HS3ST5: variants seen among roughly 807,000 people sequenced by gnomAD.
HS3ST5 encodes the protein heparan sulfate glucosamine 3-O-sulfotransferase 5.
Under a neutral mutation model 25.4 loss-of-function variants are expected in HS3ST5, and 10 were observed. The observed-to-expected ratio is 0.39, with a 90% CI of 0.24 to 0.67. The LOEUF (loss-of-function observed/expected upper bound fraction) is 0.67, where lower values mean the gene tolerates loss of function less well. HS3ST5 is among the 30% of genes least tolerant of loss of function. The pLI, the probability that HS3ST5 is intolerant of heterozygous loss-of-function variation, is 0.44. For missense variants in HS3ST5, 324 were observed against 420.7 expected, an observed-to-expected ratio of 0.77 and a Z score of 2.01; for synonymous variants, 170 against 162.4, an observed-to-expected ratio of 1.05 and a Z score of -0.36.
chr6:114,140,806 C>G (rs1368029673), intron 3 of HS3ST5, among the ~76,000 whole-genome samples: 3 of 152,294 alleles, frequency 2.0e-5, no homozygotes, highest in East Asian at 3.9e-4. Context: ...CAGTACAGGG[C>G]AGAGGCAAAG....
intron 1 of HS3ST5, among the ~76,000 whole-genome samples, chr6:114,278,710 A>G (rs1034102145): frequency 6.6e-6 from 1 of 152,038 alleles, no homozygotes; most frequent in African/African-American, 2.4e-5. Flanking sequence ...AATTAAACAG[A>G]CAGGGAGTGA....
intron 1 of HS3ST5, among the ~76,000 whole-genome samples, chr6:114,321,958 A>C (rs1775987347): frequency 6.6e-6 from 1 of 152,182 alleles, no homozygotes; most frequent in African/African-American, 2.4e-5. Context: ...TGGAAAAGCC[A>C]CTTATTTTCT....
At chr6:114,229,987 A>G (rs1488690723) in intron 1 of HS3ST5, among the ~76,000 whole-genome samples, 1 of 152,206 alleles carries the variant, frequency 6.6e-6, no homozygotes, top group Non-Finnish European at 1.5e-5. Context: ...GGTTGACAAA[A>G]TGTACAAAAA....
chr6:114,192,480 G>C (rs775032617), intron 2 of HS3ST5, among the ~76,000 whole-genome samples: 7 of 152,094 alleles, frequency 4.6e-5, no homozygotes, highest in Non-Finnish European at 1.0e-4. Flanking sequence ...GTTTTGCCTA[G>C]CTTTTTTAAA....
At chr6:114,161,522 TA>T (rs1562220841) in intron 3 of HS3ST5, among the ~76,000 whole-genome samples, 38 of 4,684 alleles carry the variant, frequency 8.1e-3, no homozygotes, top group African/African-American at 0.031. Context: ...CCTGAAGTTT[TA>T]TATATATATA....
intron 3 of HS3ST5, among the ~76,000 whole-genome samples, chr6:114,069,177 T>C (rs1220147798): frequency 6.6e-6 from 1 of 152,116 alleles, no homozygotes; most frequent in Non-Finnish European, 1.5e-5. Flanking sequence ...CGACTGAACT[T>C]ATATAGCAGA....
chr6:114,154,612 A>C (rs1001215832), intron 3 of HS3ST5, among the ~76,000 whole-genome samples: 1 of 152,230 alleles, frequency 6.6e-6, no homozygotes, highest in African/African-American at 2.4e-5. Flanking sequence ...TGTACAAGTC[A>C]GACTACTGCA....
chr6:114,107,160 G>A (rs550075957), intron 3 of HS3ST5, among the ~76,000 whole-genome samples: 2 of 152,126 alleles, frequency 1.3e-5, no homozygotes, highest in African/African-American at 4.8e-5. Flanking sequence ...CTAACTTTTT[G>A]AGAAGAAAAA....
In HS3ST5 at chr6:114,171,236, A is replaced by G. The variant is rs1305383738; in HGVS notation, c.-144-2774T>C. ...AACCACTGCTTTTAGCAAATGATTT[A>G]TAAGTGTGTAACAATCAGTGTGATA... On this transcript the variant is annotated intron_variant, in intron 2 of 4. Coordinates refer to ENST00000312719, the MANE Select transcript of HS3ST5 (RefSeq NM_153612.4). Among the ~76,000 whole-genome samples, 3 of 152,218 alleles carry G rather than the reference A, an allele frequency of 2.0e-5. No homozygotes were observed. In the South Asian group the frequency reaches 6.2e-4, roughly 31 times the overall value.
intron 2 of HS3ST5, among the ~76,000 whole-genome samples, chr6:114,224,115 A>G (rs1782169150): frequency 6.6e-6 from 1 of 151,372 alleles, no homozygotes; most frequent in Admixed American, 6.6e-5. Flanking sequence ...TTAATTCCTA[A>G]TTTCTTTAGA....
intron 3 of HS3ST5, among the ~76,000 whole-genome samples, chr6:114,092,680 T>TG (rs931985810): frequency 7.2e-6 from 1 of 138,566 alleles, no homozygotes; most frequent in African/African-American, 2.9e-5. Flanking sequence ...ATTTATTTTG[T>TG]TTTTTTTTTT....
intron 2 of HS3ST5, among the ~76,000 whole-genome samples, chr6:114,180,122 T>C (rs1402718752): frequency 6.6e-6 from 1 of 152,146 alleles, no homozygotes; most frequent in Non-Finnish European, 1.5e-5. Flanking sequence ...ACTCAAATAT[T>C]AATCTCCTCT....
chr6:114,157,609 T>C (rs1327243236), intron 3 of HS3ST5, among the ~76,000 whole-genome samples: 1 of 152,212 alleles, frequency 6.6e-6, no homozygotes, highest in Non-Finnish European at 1.5e-5. Context: ...GATAAGTATG[T>C]GAGGTGATAA....
chr6:114,057,215 G>A lies in HS3ST5; in HGVS notation c.*42C>T, dbSNP rs375570533. On this transcript the variant is annotated 3_prime_UTR_variant, in exon 5 of 5. Transcript: ENST00000312719. Reference sequence around the variant, plus strand: ...TATTTTAATCTACAGGAGACATTGTGTGTCTCCAGGCACAACACATAGTGT... The same window carrying A: ...TATTTTAATCTACAGGAGACATTGTATGTCTCCAGGCACAACACATAGTGT... 3.0e-6 allele frequency: 4 copies of A among 1,333,892 alleles called. No homozygotes were observed. The highest frequency in any genetic ancestry group is 3.2e-6 in the Non-Finnish European group (3 of 946,336). 82.6% of individuals were successfully genotyped at this position (1,333,892 alleles called of 1,614,324 possible). A position where few individuals can be genotyped will look rare whatever the true frequency, so the allele number is the denominator to read the frequency against.
At position 114,240,986 on chromosome 6, in the gene HS3ST5, A is replaced by G. The variant is rs533909795; in HGVS notation, c.-338-12208T>C. Among the ~76,000 whole-genome samples, 7 of 152,322 alleles carry G rather than the reference A, an allele frequency of 4.6e-5. No homozygotes were observed. The East Asian group carries it at 1.4e-3, about 29-fold the overall frequency. ...AAGGTAGTTTTGATATCAATGGGTT[A>G]CACAACGAAAGCAATGACTCACTAA... On this transcript the variant is annotated intron_variant, in intron 1 of 4. Coordinates refer to ENST00000312719, the MANE Select transcript of HS3ST5 (RefSeq NM_153612.4).
intron 3 of HS3ST5, among the ~76,000 whole-genome samples, chr6:114,071,026 A>G (rs755077695): frequency 6.6e-6 from 1 of 152,216 alleles, no homozygotes; most frequent in Non-Finnish European, 1.5e-5. Flanking sequence ...ATAGATGCCT[A>G]TTATCCACAA....
chr6:114,280,705 T>C (rs1403558737), intron 1 of HS3ST5, among the ~76,000 whole-genome samples: 1 of 152,002 alleles, frequency 6.6e-6, no homozygotes, highest in East Asian at 1.9e-4. Flanking sequence ...CTTCATCTCT[T>C]CTCCTTTGGA....
At chr6:114,073,264 T>C (rs1271243966) in intron 3 of HS3ST5, among the ~76,000 whole-genome samples, 1 of 152,130 alleles carries the variant, frequency 6.6e-6, no homozygotes, top group Non-Finnish European at 1.5e-5. Context: ...CCAAAAGCAA[T>C]GGCCACCAAA....
At chr6:114,165,817 G>A in intron 3 of HS3ST5, among the ~76,000 whole-genome samples, 1 of 152,060 alleles carries the variant, frequency 6.6e-6, no homozygotes, top group East Asian at 1.9e-4. Flanking sequence ...TAGCTTCCTT[G>A]TTGGTAAATG....
Sources: allele counts gnomAD v4.1 joint callset (sites outside exome capture counted in the v4.1 genomes callset), GRCh38; gene constraint gnomAD v4.1.1; transcripts MANE v1.5; gene names NCBI Gene and HGNC (gene_info 2026-07-23, HGNC 2026-07-21).